Variants in CCNT1 observed in about 807,000 individuals in gnomAD.
The protein encoded by CCNT1 is cyclin-T1.
CCNT1 carries 18 observed loss-of-function variants against 67.3 expected under a neutral mutation model. The ratio of observed to expected loss-of-function variants is 0.27; its 90% confidence interval spans 0.18 to 0.40. The LOEUF (loss-of-function observed/expected upper bound fraction) is 0.40, where lower values mean the gene tolerates loss of function less well. CCNT1 is among the 10% of genes least tolerant of loss of function. The probability of loss-of-function intolerance (pLI) is 1.00; values close to 1 mark genes in which losing one functional copy is unlikely to be tolerated. For synonymous variants in CCNT1, 333 were observed against 310.3 expected, an observed-to-expected ratio of 1.07 and a Z score of -0.77; for missense variants, 744 against 884.9, an observed-to-expected ratio of 0.84 and a Z score of 2.02.
Position 48,696,014 on chromosome 12 carries a change from A to C in CCNT1, c.691T>G (p.Leu231Val), listed in dbSNP as rs945602816. ...TAAAACTTACCATCTAAAAGTTCCA[A>C]GGTCACAGTGGCGTCAACATACTCC... is the stretch of plus-strand genomic sequence containing the variant. ...WWEYVDATVT[L>V]ELLDELTHEF... Residue 231 changes from leucine to valine, a missense_variant, in exon 7 of 9, where the codon TTG (leucine) becomes GTG (valine). Physicochemically the swap from Leu to Val is conservative, Grantham distance 32 (BLOSUM62 1). Coordinates refer to ENST00000261900, the MANE Select transcript of CCNT1 (RefSeq NM_001240.4). 8.7e-6 allele frequency: 14 copies of C among 1,614,134 alleles called. No homozygotes were observed. Among genetic ancestry groups the C allele is most frequent in the Non-Finnish European group, 1.2e-5 (14 of 1,180,018 alleles).
At chr12:48,710,240 C>T (rs1212666760) in intron 2 of CCNT1, among the ~76,000 whole-genome samples, 1 of 152,130 alleles carries the variant, frequency 6.6e-6, no homozygotes, top group African/African-American at 2.4e-5. Context: ...ACAAAAATGC[C>T]TGAGGACTTG....
At chr12:48,696,239 TAAA>T (rs71080140) in intron 6 of CCNT1, 77 bp from the exon 7 acceptor site, 2,422 of 71,440 alleles carry the variant, frequency 0.034, 6 homozygotes, top group East Asian at 0.077. Context: ...CTCCATTATT[TAAA>T]AAAAAAAAAA....
At chr12:48,697,855 A>ATATATATATAT (rs1482513946) in intron 6 of CCNT1, 1 of 71,982 alleles carries the variant, frequency 1.4e-5, no homozygotes, top group African/African-American at 4.8e-5. Context: ...AAAAAAAAAA[A>ATATATATATAT]ATATATATAT....
At chr12:48,703,554 C>T (rs1940306467) in intron 3 of CCNT1, among the ~76,000 whole-genome samples, 1 of 145,912 alleles carries the variant, frequency 6.9e-6, no homozygotes, top group Non-Finnish European at 1.5e-5. Context: ...TCCTGGGCAA[C>T]AAGAGCAAAA....
At chr12:48,713,234 C>T (rs1462193512) in intron 2 of CCNT1, among the ~76,000 whole-genome samples, 4 of 148,700 alleles carry the variant, frequency 2.7e-5, no homozygotes, top group African/African-American at 5.0e-5. Flanking sequence ...GGGGTCTCAC[C>T]GTGTTGCCCA....
chr12:48,704,685 T>C (rs1036641804), intron 3 of CCNT1, among the ~76,000 whole-genome samples: 4 of 152,098 alleles, frequency 2.6e-5, no homozygotes, highest in Non-Finnish European at 5.9e-5. Flanking sequence ...GGTGCACACC[T>C]GTAGTCCCAG....
Position 48,693,246 on chromosome 12 carries a change from G to C in CCNT1, c.1968C>G (p.Asp656Glu). 1 of 1,614,206 alleles carries C rather than the reference G, an allele frequency of 6.2e-7. No homozygotes were observed. Among genetic ancestry groups the C allele is most frequent in the Non-Finnish European group, 8.5e-7 (1 of 1,180,026 alleles). Reference sequence around the variant, plus strand: ...GAAGCATATTCACAGTGTCTTGATAGTCTATTGTCTGGGTCGTGTTGTGAC... The same window carrying C: ...GAAGCATATTCACAGTGTCTTGATACTCTATTGTCTGGGTCGTGTTGTGAC... ...ANGHNTTQTI[D>E]YQDTVNMLHS... is the part of the protein sequence containing the mutation. The change falls in exon 9 of 9, where the codon GAC (aspartate) becomes GAG (glutamate). Residue 656 changes from aspartate to glutamate, a missense_variant. Asp to Glu is a conservative substitution (Grantham distance 45). This residue lies in a region of CCNT1 where 564 missense variants were observed against 574.2 expected (regional missense o/e 0.98). Coordinates refer to ENST00000261900, the MANE Select transcript of CCNT1 (RefSeq NM_001240.4).
At chr12:48,702,535 A>C (rs1054329949) in intron 3 of CCNT1, among the ~76,000 whole-genome samples, 2 of 152,276 alleles carry the variant, frequency 1.3e-5, no homozygotes, top group Non-Finnish European at 2.9e-5. Context: ...CAGTAATCCC[A>C]GCACTTAGGG....
Position 48,694,053 on chromosome 12 carries a change from C to T in CCNT1, c.1161G>A (p.Val387=), listed in dbSNP as rs1205809885. The change falls in exon 9 of 9, where the codon GTG becomes GTA. Residue 387 remains valine (V), a synonymous_variant. Transcript: ENST00000261900. ...GCTTCGCGCGGTATTCTTTCAGTGACACTTTAGCTGATGGCACACTCTTAC... is the reference window on the plus strand; with the variant it reads ...GCTTCGCGCGGTATTCTTTCAGTGATACTTTAGCTGATGGCACACTCTTAC... ...QNSKSVPSAK[V]SLKEYRAKHA... 2 of 1,614,014 alleles carry T rather than the reference C, an allele frequency of 1.2e-6. No homozygotes were observed. Among genetic ancestry groups the T allele is most frequent in the African/African-American group, 2.7e-5 (2 of 74,906 alleles).
chr12:48,712,580 AAAAAAAAAAAAAAAT>A (rs1251519690), intron 2 of CCNT1, among the ~76,000 whole-genome samples: 366 of 53,858 alleles, frequency 6.8e-3, no homozygotes, highest in African/African-American at 0.035. Context: ...TCTTTTCCTT[AAAAAAAAAAAAAAAT>A]AAAAAAAAAA....
intron 2 of CCNT1, among the ~76,000 whole-genome samples, chr12:48,712,072 G>A (rs1489827370): frequency 6.6e-6 from 1 of 152,144 alleles, no homozygotes; most frequent in Non-Finnish European, 1.5e-5. Context: ...GGGATTACAG[G>A]CGTTGAGCCA....
At chr12:48,697,203 G>C (rs1486703842) in intron 6 of CCNT1, among the ~76,000 whole-genome samples, 1 of 151,954 alleles carries the variant, frequency 6.6e-6, no homozygotes, top group African/African-American at 2.4e-5. Context: ...TTGATAGAGG[G>C]GGAAGAAAAA....
In CCNT1 at chr12:48,691,980, C is replaced by A. The variant is rs945555538; in HGVS notation, c.*1053G>T. The A allele has an allele frequency of 6.6e-6, 1 of 152,070 alleles. No individual in the cohort carries two copies. Among genetic ancestry groups the A allele is most frequent in the Admixed American group, 6.6e-5 (1 of 15,260 alleles). 9.4% of individuals were successfully genotyped at this position (152,070 alleles called of 1,614,324 possible). A position where few individuals can be genotyped will look rare whatever the true frequency, so the allele number is the denominator to read the frequency against. ...TAGCACATTCCCCATCTCTTAGAGA[C>A]CTTAAGACTGCTCTCATTTGAACAC... is the stretch of plus-strand genomic sequence containing the variant. On this transcript the variant is annotated 3_prime_UTR_variant, in exon 9 of 9. Transcript: ENST00000261900.
At chr12:48,695,893 C>A in intron 7 of CCNT1, 64 bp from the exon 8 acceptor site, 1 of 1,515,480 alleles carries the variant, frequency 6.6e-7, no homozygotes, top group Non-Finnish European at 9.2e-7. Flanking sequence ...ACAAGAATAA[C>A]CTGAACTACT....
At chr12:48,698,243 T>A (rs1940211026) in intron 5 of CCNT1, 60 bp from the exon 6 acceptor site, 1 of 1,191,736 alleles carries the variant, frequency 8.4e-7, no homozygotes, top group Admixed American at 2.4e-5. Flanking sequence ...GTTCCATTCA[T>A]TCTCAACAAA....
rs1254712619 is a variant in CCNT1 at position 48,690,760 on chromosome 12, A to G, written c.*2273T>C. ...TACAGTACGGCCATGGATAACTGCT[A>G]TGAGGCCAAATGATTATGTGCCTCT... On this transcript the variant is annotated 3_prime_UTR_variant, in exon 9 of 9. Transcript: ENST00000261900. 3 of 152,226 alleles carry G rather than the reference A, an allele frequency of 2.0e-5. No homozygotes were observed. The highest frequency in any genetic ancestry group is 7.2e-5 in the African/African-American group (3 of 41,462). The allele number at this position is 152,226 out of a possible 1,614,324, so 9.4% of individuals were successfully genotyped here. A position where few individuals can be genotyped will look rare whatever the true frequency, so the allele number is the denominator to read the frequency against.
Position 48,692,966 on chromosome 12 carries a change from CAAAAA to C in CCNT1, c.*62_*66del. ...TATTTCATAAGTAATTTTCTTAGTC[CAAAAA>C]AAAAAAAGAAAAATTATGTGTTTTT... On this transcript the variant is annotated 3_prime_UTR_variant, in exon 9 of 9. Transcript: ENST00000261900. 1.2e-6 allele frequency: 1 copy of C among 842,168 alleles called. No individual in the cohort carries two copies. Among genetic ancestry groups the C allele is most frequent in the East Asian group, 3.1e-5 (1 of 32,118 alleles). 52.2% of individuals were successfully genotyped at this position (842,168 alleles called of 1,614,324 possible). A position where few individuals can be genotyped will look rare whatever the true frequency, so the allele number is the denominator to read the frequency against.
At chr12:48,701,619 T>G (rs1440719245) in intron 3 of CCNT1, among the ~76,000 whole-genome samples, 1 of 152,106 alleles carries the variant, frequency 6.6e-6, no homozygotes, top group African/African-American at 2.4e-5. Flanking sequence ...TTTTTCTTTT[T>G]TTTTTGAGTT....
intron 1 of CCNT1, among the ~76,000 whole-genome samples, chr12:48,715,385 A>T (rs897110554): frequency 6.6e-6 from 1 of 152,174 alleles, no homozygotes; most frequent in African/African-American, 2.4e-5. Context: ...TTAAAACTAT[A>T]CTAGTTTTCT....
Sources: gnomAD v4.1 joint callset for allele counts (sites outside exome capture counted in the v4.1 genomes callset) on GRCh38, gnomAD v4.1.1 for gene constraint, gnomAD v4.1.1 regional missense constraint, MANE v1.5 for transcripts, NCBI Gene and HGNC (gene_info 2026-07-23, HGNC 2026-07-21) for gene names.